The following ZFP41 variants were observed in gnomAD, a reference collection of about 807,000 sequenced individuals.
ZFP41 encodes the protein ZFP41 zinc finger protein.
ZFP41 carries 10 observed loss-of-function variants against 11.6 expected under a neutral mutation model. The ratio of observed to expected loss-of-function variants is 0.86; its 90% CI spans 0.53 to 1.47. The LOEUF (loss-of-function observed/expected upper bound fraction) is 1.47, where lower values mean the gene tolerates loss of function less well. ZFP41 is among the 40% of genes most tolerant of loss of function. The pLI, the probability that ZFP41 is intolerant of heterozygous loss-of-function variation, is 0.00. For missense variants in ZFP41, 302 were observed against 264.6 expected (o/e 1.14, Z -0.98); for synonymous variants, 123 against 100.9 (o/e 1.22, Z -1.31).
In ZFP41 at chr8:143,249,915, G is replaced by T. The variant is rs368907725; in HGVS notation, c.72G>T (p.Ala24=). The T allele has an allele frequency of 2.2e-5, 36 of 1,613,570 alleles. No homozygotes were observed. In the Admixed American group the frequency reaches 5.8e-4, roughly 26 times the overall value. The change falls in exon 2 of 3, where the codon GCG becomes GCT. Residue 24 remains alanine (A), a synonymous_variant. Coordinates refer to ENST00000330701, the MANE Select transcript of ZFP41 (RefSeq NM_173832.6). ...AGGAGGCAGACGTGCAGAAGAGTGC[G>T]CTCAGAGAGGAGAAGGTGTCCGGGG... ...PREEADVQKS[A]LREEKVSGDR... is the part of the protein sequence containing the mutation.
intron 2 of ZFP41, among the ~76,000 whole-genome samples, chr8:143,258,171 A>C (rs983875492): frequency 6.6e-6 from 1 of 152,200 alleles, no homozygotes; most frequent in Non-Finnish European, 1.5e-5. Flanking sequence ...AATAAAAATT[A>C]AAAATTAGGT....
In ZFP41 at chr8:143,259,928, A is replaced by C. The variant is rs1400099723; in HGVS notation, c.*1054A>C. ...GAAGAAAAGCGCTGGAAAGAGAAGA[A>C]AAGGAACCTCCTTCTGTGCAGCAGG... On this transcript the variant is annotated 3_prime_UTR_variant, in exon 3 of 3. Transcript: ENST00000330701. 6.6e-6 allele frequency: 1 copy of C among 152,468 alleles called. No homozygotes were observed. The highest frequency in any genetic ancestry group is 1.5e-5 in the Non-Finnish European group (1 of 68,168). The allele number at this position is 152,468 out of a possible 1,614,324, so 9.4% of individuals were successfully genotyped here.
chr8:143,259,262 C>T (rs920563135), intron 2 of ZFP41, among the ~76,000 whole-genome samples: 8 of 152,264 alleles, frequency 5.3e-5, no homozygotes, highest in South Asian at 4.1e-4. Context: ...TTTTAACCAC[C>T]GCAAAGTTCG....
At chr8:143,254,509 G>A (rs1323569951) in intron 2 of ZFP41, among the ~76,000 whole-genome samples, 2 of 152,228 alleles carry the variant, frequency 1.3e-5, no homozygotes, top group South Asian at 2.1e-4. Context: ...GTGTGGACAC[G>A]GCTGTCTAGG....
chr8:143,246,983 G>A lies in ZFP41; in HGVS notation c.-314G>A, dbSNP rs749327511. 1 of 152,484 alleles carries A rather than the reference G, an allele frequency of 6.6e-6. No homozygotes were observed. The highest frequency in any genetic ancestry group is 1.5e-5 in the Non-Finnish European group (1 of 68,226). The allele number at this position is 152,484 out of a possible 1,614,324, so 9.4% of individuals were successfully genotyped here. ...GGCCGACGGGGACGCTGGCACTGGT[G>A]GGGAGCTGTTGGGGGGTCCCGCATC... On this transcript the variant is annotated 5_prime_UTR_variant, in exon 1 of 3. Transcript: ENST00000330701.
chr8:143,261,816 T>A lies in ZFP41; in HGVS notation c.*2942T>A. 5.1e-6 allele frequency: 1 copy of A among 195,670 alleles called. No individual in the cohort carries two copies. The highest frequency in any genetic ancestry group is 9.8e-6 in the Non-Finnish European group (1 of 102,408). The allele number at this position is 195,670 out of a possible 1,614,324, so 12.1% of individuals were successfully genotyped here. A position where few individuals can be genotyped will look rare whatever the true frequency, so the allele number is the denominator to read the frequency against. On this transcript the variant is annotated 3_prime_UTR_variant, in exon 3 of 3. Transcript: ENST00000330701. ...CAGCCCCTGCCCCCACCCGCACCCC[T>A]GCACCTGCCACGCCTGTCTCCGGCA... is the stretch of plus-strand genomic sequence containing the variant.
chr8:143,247,328 G>A (rs1191237392), intron 1 of ZFP41, 186 bp downstream of exon 1: 1 of 152,306 alleles, frequency 6.6e-6, no homozygotes, highest in Non-Finnish European at 1.5e-5. Context: ...CCGTTGAAAG[G>A]AGAGCCTCTA....
intron 2 of ZFP41, among the ~76,000 whole-genome samples, chr8:143,256,173 CCGCG>C (rs1814907843): frequency 8.2e-6 from 1 of 122,190 alleles, no homozygotes. Context: ...AGGGCTCGCC[CCGCG>C]TGCTGGTGTT....
chr8:143,259,577 C>T (rs191856554), intron 2 of ZFP41, among the ~76,000 whole-genome samples, 198 bp from the exon 3 acceptor site: 28 of 152,276 alleles, frequency 1.8e-4, no homozygotes, highest in African/African-American at 4.8e-4. Flanking sequence ...CACGGGTTAA[C>T]GCCCACTTCC....
Position 143,250,716 on chromosome 8 carries a change from G to A in ZFP41, c.*276G>A, listed in dbSNP as rs1271102518. On this transcript the variant is annotated 3_prime_UTR_variant, in exon 2 of 3. Transcript: ENST00000330701. ...GCCACAGAGCATTTTCCAAGTTCCC[G>A]ATGGCGAACGGGGCTCAGCACCAGA... is the stretch of plus-strand genomic sequence containing the variant. The A allele has an allele frequency of 9.5e-6, 5 of 526,178 alleles. No individual in the cohort carries two copies. Among genetic ancestry groups the A allele is most frequent in the East Asian group, 3.3e-5 (1 of 30,426 alleles). The allele number at this position is 526,178 out of a possible 1,614,324, so 32.6% of individuals were successfully genotyped here. A position where few individuals can be genotyped will look rare whatever the true frequency, so the allele number is the denominator to read the frequency against.
In ZFP41 at chr8:143,250,565, G is replaced by A; in HGVS notation, c.*125G>A. 2 of 1,471,354 alleles carry A rather than the reference G, an allele frequency of 1.4e-6. No homozygotes were observed. Among genetic ancestry groups the A allele is most frequent in the Non-Finnish European group, 1.8e-6 (2 of 1,103,446 alleles). 91.1% of individuals were successfully genotyped at this position (1,471,354 alleles called of 1,614,324 possible). On this transcript the variant is annotated 3_prime_UTR_variant, in exon 2 of 3. Coordinates refer to ENST00000330701, the MANE Select transcript of ZFP41 (RefSeq NM_173832.6). ...GTGCGCACTGTGTTCCGTGCCCTGG[G>A]GACCCCCGGAAAAGCAGCCCAGTCA...
At position 143,251,269 on chromosome 8, in the gene ZFP41, A is replaced by C. The variant is rs542863365; in HGVS notation, c.*829A>C. 6.0e-6 allele frequency: 1 copy of C among 167,464 alleles called. No homozygotes were observed. The highest frequency in any genetic ancestry group is 6.5e-5 in the Admixed American group (1 of 15,308). 10.4% of individuals were successfully genotyped at this position (167,464 alleles called of 1,614,324 possible). On this transcript the variant is annotated 3_prime_UTR_variant, in exon 2 of 3. Coordinates refer to ENST00000330701, the MANE Select transcript of ZFP41 (RefSeq NM_173832.6). ...GGGGTGCCCTCGGCAGCTTCGGTCC[A>C]GCCTGCATCTGCCCCTCGGCCTTCC...
chr8:143,247,403 C>T (rs1008602782), intron 1 of ZFP41: 1 of 152,342 alleles, frequency 6.6e-6, no homozygotes, highest in Non-Finnish European at 1.5e-5. Flanking sequence ...GCATCTCAGG[C>T]CTTGGCACAG....
rs74744724 is a variant in ZFP41 at position 143,251,101 on chromosome 8, C to G, written c.*661C>G. 3,203 of 168,308 alleles carry G rather than the reference C, an allele frequency of 0.019. 119 individuals carry two copies. The highest frequency in any genetic ancestry group is 0.073 in the African/African-American group (3,045 of 41,594). The allele number at this position is 168,308 out of a possible 1,614,324, so 10.4% of individuals were successfully genotyped here. ...TCAGACCCCCGTCCCCGGAACTGGG[C>G]CACACCACGTGCCCTCTTGGCCCAG... On this transcript the variant is annotated 3_prime_UTR_variant, in exon 2 of 3. Transcript: ENST00000330701.
rs1815067797 is a variant in ZFP41, at chr8:143,262,322, T to C, written c.*3448T>C. 6.5e-6 allele frequency: 1 copy of C among 153,756 alleles called. No individual in the cohort carries two copies. The highest frequency in any genetic ancestry group is 2.0e-4 in the South Asian group (1 of 5,002). The allele number at this position is 153,756 out of a possible 1,614,324, so 9.5% of individuals were successfully genotyped here. ...TCTGAACACTCACATTCCCCAGGCA[T>C]GCATGTGCAGCCGCCGCCGCCACCC... On this transcript the variant is annotated 3_prime_UTR_variant, in exon 3 of 3. Coordinates refer to ENST00000330701, the MANE Select transcript of ZFP41 (RefSeq NM_173832.6).
chr8:143,253,765 G>C (rs1013545322), intron 2 of ZFP41, among the ~76,000 whole-genome samples: 1 of 152,174 alleles, frequency 6.6e-6, no homozygotes, highest in Non-Finnish European at 1.5e-5. Flanking sequence ...CTCGAGAATG[G>C]CTTGGTGCCC....
At chr8:143,254,418 A>G (rs766381325) in intron 2 of ZFP41, among the ~76,000 whole-genome samples, 3 of 152,172 alleles carry the variant, frequency 2.0e-5, no homozygotes, top group African/African-American at 4.8e-5. Context: ...GACACAAGAA[A>G]GAAACCAGGG....
At chr8:143,258,872 C>T (rs1320698652) in intron 2 of ZFP41, among the ~76,000 whole-genome samples, 1 of 152,204 alleles carries the variant, frequency 6.6e-6, no homozygotes, top group African/African-American at 2.4e-5. Flanking sequence ...AGGTCGGATT[C>T]GGATCCTTGC....
intron 1 of ZFP41, 166 bp downstream of exon 1, chr8:143,247,308 C>T (rs1227293863): frequency 1.3e-5 from 2 of 152,276 alleles, no homozygotes; most frequent in Non-Finnish European, 2.9e-5. Flanking sequence ...ACGTGGGCCG[C>T]GGGGCTCTGC....
Sources: gnomAD v4.1 joint callset for allele counts (sites outside exome capture counted in the v4.1 genomes callset) on GRCh38, gnomAD v4.1.1 for gene constraint, MANE v1.5 for transcripts, NCBI Gene and HGNC (gene_info 2026-07-23, HGNC 2026-07-21) for gene names.